The following COMMD10 variants were observed in gnomAD, a reference collection of about 807,000 sequenced individuals.
The protein encoded by COMMD10 is COMM domain containing 10.
COMMD10 carries 33 observed loss-of-function variants against 28.9 expected under a neutral mutation model. That is an observed-to-expected ratio of 1.14 (90% confidence interval 0.87 to 1.53). The LOEUF (loss-of-function observed/expected upper bound fraction) is 1.53. COMMD10 is among the 40% of genes most tolerant of loss of function. COMMD10 has a pLI of 0.00. For missense variants in COMMD10, 310 were observed against 233.4 expected (o/e 1.33, Z -2.14); for synonymous variants, 110 against 81.7 (o/e 1.35, Z -1.87).
Position 116,134,142 on chromosome 5 carries a change from TGTGTTA to T in COMMD10, c.475_480del (p.Val159_Leu160del). The T allele has an allele frequency of 6.2e-7, 1 of 1,611,072 alleles. No homozygotes were observed. The highest frequency in any genetic ancestry group is 8.5e-7 in the Non-Finnish European group (1 of 1,177,162). ...AAGCAAAACTAAAATCTCCTCAAGC[TGTGTTA>T]CAACTCGGAGTGAACAATGAAGATT... On this transcript the variant is annotated inframe_deletion, in exon 5 of 7. Transcript: ENST00000274458.
chr5:116,163,823 T>C (rs547938243), intron 5 of COMMD10, among the ~76,000 whole-genome samples: 1 of 152,320 alleles, frequency 6.6e-6, no homozygotes, highest in Non-Finnish European at 1.5e-5. Context: ...TCTTTTTTAA[T>C]TTTTTAAATT....
At chr5:116,135,915 T>C (rs10055868) in intron 5 of COMMD10, among the ~76,000 whole-genome samples, 16,083 of 152,172 alleles carry the variant, frequency 0.11, 948 homozygotes, top group African/African-American at 0.15. Flanking sequence ...TCAGTTTCTT[T>C]ATCTGTAAAA....
At chr5:116,210,539 GT>G (rs1424563574) in intron 5 of COMMD10, among the ~76,000 whole-genome samples, 1 of 151,994 alleles carries the variant, frequency 6.6e-6, no homozygotes, top group Admixed American at 6.6e-5. Flanking sequence ...GGGTATATTT[GT>G]TGACAAGTAA....
At chr5:116,274,706 T>C (rs1750854735) in intron 5 of COMMD10, among the ~76,000 whole-genome samples, 1 of 151,806 alleles carries the variant, frequency 6.6e-6, no homozygotes. Flanking sequence ...TTCTAATCAA[T>C]CTGTCCTTAA....
chr5:116,155,835 A>G (rs1034284457), intron 5 of COMMD10, among the ~76,000 whole-genome samples: 7 of 152,108 alleles, frequency 4.6e-5, no homozygotes, highest in African/African-American at 4.8e-5. Flanking sequence ...TATTAGGAGC[A>G]TTAATTATCT....
chr5:116,135,316 A>G (rs1291174780), intron 5 of COMMD10, among the ~76,000 whole-genome samples: 1 of 152,172 alleles, frequency 6.6e-6, no homozygotes, highest in Non-Finnish European at 1.5e-5. Flanking sequence ...AACTTTCGCT[A>G]TTCATTCTAT....
At chr5:116,141,642 G>T (rs1172086740) in intron 5 of COMMD10, among the ~76,000 whole-genome samples, 1 of 151,662 alleles carries the variant, frequency 6.6e-6, no homozygotes, top group East Asian at 1.9e-4. Flanking sequence ...TTATTTATAG[G>T]CATTTTATTC....
At chr5:116,142,083 A>T (rs903072495) in intron 5 of COMMD10, among the ~76,000 whole-genome samples, 1 of 151,898 alleles carries the variant, frequency 6.6e-6, no homozygotes, top group African/African-American at 2.4e-5. Flanking sequence ...TACCACAAAG[A>T]TGCAGGTAAT....
At chr5:116,207,409 C>T (rs1444033884) in intron 5 of COMMD10, among the ~76,000 whole-genome samples, 1 of 152,122 alleles carries the variant, frequency 6.6e-6, no homozygotes, top group Non-Finnish European at 1.5e-5. Context: ...CTGGATTCTT[C>T]TTTTTGGTCC....
chr5:116,217,907 C>CAT (rs777258334), intron 5 of COMMD10: 19 of 642,834 alleles, frequency 3.0e-5, no homozygotes, highest in Non-Finnish European at 5.0e-5. Context: ...GTGCTAACAG[C>CAT]ATAGCTCAAA....
At chr5:116,146,722 T>A (rs1370331758) in intron 5 of COMMD10, among the ~76,000 whole-genome samples, 1 of 151,904 alleles carries the variant, frequency 6.6e-6, no homozygotes, top group East Asian at 1.9e-4. Context: ...GATTTTTTCT[T>A]TCCTTTATAT....
chr5:116,256,998 T>C (rs1445805759), intron 5 of COMMD10, among the ~76,000 whole-genome samples: 2 of 151,786 alleles, frequency 1.3e-5, no homozygotes, highest in African/African-American at 2.4e-5. Context: ...CATAATAGCA[T>C]CAAACAATGG....
At chr5:116,107,741 C>A (rs951840109) in intron 4 of COMMD10, among the ~76,000 whole-genome samples, 12 of 149,226 alleles carry the variant, frequency 8.0e-5, no homozygotes, top group Admixed American at 2.6e-4. Context: ...GAGTTGTGAT[C>A]CTTTGGAGGA....
intron 5 of COMMD10, among the ~76,000 whole-genome samples, chr5:116,209,424 C>T (rs2112631875): frequency 6.6e-6 from 1 of 152,214 alleles, no homozygotes; most frequent in South Asian, 2.1e-4. Context: ...TGTTTCTTGG[C>T]AAATCACAAC....
At chr5:116,151,490 G>A (rs1580493573) in intron 5 of COMMD10, among the ~76,000 whole-genome samples, 1 of 151,990 alleles carries the variant, frequency 6.6e-6, no homozygotes, top group African/African-American at 2.4e-5. Context: ...ATCTGGTCCT[G>A]GACTCTTTGG....
intron 4 of COMMD10, among the ~76,000 whole-genome samples, chr5:116,115,894 T>C (rs1161139232): frequency 1.3e-5 from 2 of 152,180 alleles, no homozygotes; most frequent in Non-Finnish European, 2.9e-5. Context: ...TCTTGCTCTT[T>C]AAAGCATGCA....
At chr5:116,177,941 C>T (rs1012218694) in intron 5 of COMMD10, among the ~76,000 whole-genome samples, 1 of 152,076 alleles carries the variant, frequency 6.6e-6, no homozygotes, top group Non-Finnish European at 1.5e-5. Flanking sequence ...ACAAATAAAC[C>T]TGCATACTTG....
chr5:116,199,192 G>A (rs1458600597), intron 5 of COMMD10, among the ~76,000 whole-genome samples: 2 of 151,880 alleles, frequency 1.3e-5, no homozygotes, highest in Admixed American at 1.3e-4. Context: ...GTTTTAATTT[G>A]GATTTCTCTA....
At position 116,291,532 on chromosome 5, in the gene COMMD10, C is replaced by T; in HGVS notation, c.526C>T (p.Leu176Phe). The T allele has an allele frequency of 1.2e-6, 2 of 1,601,632 alleles. No homozygotes were observed. The highest frequency in any genetic ancestry group is 1.7e-6 in the Non-Finnish European group (2 of 1,173,226). The change falls in exon 6 of 7, where the codon CTT (leucine) becomes TTT (phenylalanine). Residue 176 changes from leucine to phenylalanine, a missense_variant. Physicochemically the swap from Leu to Phe is conservative, Grantham distance 22. Transcript: ENST00000274458. ...TTCCTTACAGAGCCTGGAGAAAGTT[C>T]TTGTGGAATTCAGTCACAAGGAGTT... ...NEDSKSLEKVLVEFSHKELFD... is the reference protein window; with the variant it reads ...NEDSKSLEKVFVEFSHKELFD...
Sources: allele counts gnomAD v4.1 joint callset (sites outside exome capture counted in the v4.1 genomes callset), GRCh38; gene constraint gnomAD v4.1.1; transcripts MANE v1.5; gene names NCBI Gene and HGNC (gene_info 2026-07-23, HGNC 2026-07-21).